DLC1: variants seen among roughly 807,000 people sequenced by gnomAD.
DLC1 encodes DLC1 Rho GTPase activating protein.
Under a neutral mutation model 140.3 loss-of-function variants are expected in DLC1, and 54 were observed. The ratio of observed to expected loss-of-function variants is 0.38; its 90% CI spans 0.31 to 0.48. DLC1 has a LOEUF of 0.48. Ranked by LOEUF, DLC1 falls within the 20% of genes least tolerant of loss-of-function variation. The pLI is 0.96. For missense variants in DLC1, 2,536 were observed against 1,907.0 expected (o/e 1.33, Z -6.14); for synonymous variants, 986 against 728.1 (o/e 1.35, Z -5.70).
At chr8:13,410,940 G>T (rs535856783) in intron 2 of DLC1, among the ~76,000 whole-genome samples, 79 of 152,212 alleles carry the variant, frequency 5.2e-4, no homozygotes, top group African/African-American at 1.8e-3. Flanking sequence ...AAACTCAAAG[G>T]AGCCTAAATG....
At chr8:13,408,491 T>C (rs1477953043) in intron 2 of DLC1, among the ~76,000 whole-genome samples, 1 of 152,180 alleles carries the variant, frequency 6.6e-6, no homozygotes, top group Non-Finnish European at 1.5e-5. Context: ...CTTTTGTAAC[T>C]TCCATACACA....
Position 13,170,554 on chromosome 8 carries a change from C to G in DLC1, c.1349-54897G>C, listed in dbSNP as rs987007441. Among the ~76,000 whole-genome samples the G allele has an allele frequency of 3.3e-5, 5 of 152,096 alleles. No individual in the cohort carries two copies. In the East Asian group the frequency reaches 9.7e-4, roughly 30 times the overall value. On this transcript the variant is annotated intron_variant, in intron 5 of 17. Transcript: ENST00000276297. ...GACCATCCTGGCCAACACGGTGAAA[C>G]CCCGTCCCTACTAAAAATACAAAAA...
At chr8:13,585,148 G>A (rs528985248) in intron 1 of DLC1, among the ~76,000 whole-genome samples, 1 of 152,278 alleles carries the variant, frequency 6.6e-6, no homozygotes, top group East Asian at 1.9e-4. Context: ...ATACAATGTG[G>A]TCAATATAGT....
rs1045971500 is a variant in DLC1, at chr8:13,418,242, T to G, written c.1024-16623A>C. ...AATTAGATCCCATTTGTCAATTTTG[T>G]CTTTTGTTGCCATTGCTTTTGGTGT... is the stretch of plus-strand genomic sequence containing the variant. On this transcript the variant is annotated intron_variant, in intron 2 of 17. Transcript: ENST00000276297. 1.6e-4 allele frequency among the ~76,000 whole-genome samples: 25 copies of G among 152,066 alleles called. No individual in the cohort carries two copies. The East Asian group carries it at 3.9e-3, about 24-fold the overall frequency.
intron 5 of DLC1, among the ~76,000 whole-genome samples, chr8:13,258,806 C>G (rs1258139394): frequency 6.6e-6 from 1 of 152,110 alleles, no homozygotes; most frequent in Non-Finnish European, 1.5e-5. Context: ...TGGAGCTAGA[C>G]TCTAGAATAC....
intron 2 of DLC1, among the ~76,000 whole-genome samples, chr8:13,428,719 AT>A (rs58508354): frequency 0.31 from 46,556 of 151,386 alleles, 7,222 homozygotes; most frequent in Middle Eastern, 0.36. Context: ...TGCAAGATGG[AT>A]TTTTTTTTGC....
chr8:13,371,495 A>T (rs1028118205), intron 4 of DLC1, among the ~76,000 whole-genome samples: 101 of 151,934 alleles, frequency 6.6e-4, no homozygotes, highest in Admixed American at 1.3e-3. Flanking sequence ...TGAACATGTA[A>T]GTCCATGTAC....
Position 13,536,765 on chromosome 8 carries a change from C to T in DLC1, c.-125-36569G>A, listed in dbSNP as rs116711656. 3.5e-3 allele frequency among the ~76,000 whole-genome samples: 530 copies of T among 152,186 alleles called. 4 individuals are homozygous for T. Among genetic ancestry groups the T allele is most frequent in the African/African-American group, 0.011 (459 of 41,528 alleles). ...ATGGTGTTTTTTTGAAGAGATATTG[C>T]GTATCCACATGACATGTTGAAATAA... On this transcript the variant is annotated intron_variant, in intron 1 of 1. Coordinates refer to the DLC1 transcript ENST00000631382.
chr8:13,502,149 T>A (rs1801848060), intron 1 of DLC1, among the ~76,000 whole-genome samples: 1 of 152,222 alleles, frequency 6.6e-6, no homozygotes, highest in African/African-American at 2.4e-5. Context: ...TTGACAATAA[T>A]ATTCATTAAT....
intron 1 of DLC1, among the ~76,000 whole-genome samples, chr8:13,561,300 C>T (rs1408706298): frequency 6.6e-6 from 1 of 152,022 alleles, no homozygotes; most frequent in East Asian, 1.9e-4. Flanking sequence ...CATGCAACTA[C>T]AGCCACACCT....
chr8:13,481,544 C>A (rs11203493), intron 2 of DLC1, among the ~76,000 whole-genome samples: 139,627 of 152,260 alleles, frequency 0.92, 64,580 homozygotes, highest in Non-Finnish European at 0.97. Flanking sequence ...AAATAATAAA[C>A]GTCCGTTGTT....
chr8:13,460,827 G>A (rs1799622367), intron 2 of DLC1, among the ~76,000 whole-genome samples: 1 of 152,226 alleles, frequency 6.6e-6, no homozygotes, highest in Non-Finnish European at 1.5e-5. Context: ...TGTGCTCTGT[G>A]CGTTGATTCT....
chr8:13,464,597 C>T (rs921336382), intron 2 of DLC1, among the ~76,000 whole-genome samples: 1 of 151,832 alleles, frequency 6.6e-6, no homozygotes, highest in East Asian at 1.9e-4. Flanking sequence ...CCCCCGCCAC[C>T]ATGGAAATGG....
At chr8:13,495,557 A>C (rs1801462106) in intron 2 of DLC1, among the ~76,000 whole-genome samples, 1 of 152,138 alleles carries the variant, frequency 6.6e-6, no homozygotes, top group African/African-American at 2.4e-5. Context: ...TATTTAGAGG[A>C]ATTATTGGCT....
intron 5 of DLC1, among the ~76,000 whole-genome samples, chr8:13,148,515 T>G (rs1823590498): frequency 6.6e-6 from 1 of 152,200 alleles, no homozygotes; most frequent in Non-Finnish European, 1.5e-5. Context: ...AATTTTGATT[T>G]CGTGGCCACT....
intron 5 of DLC1, among the ~76,000 whole-genome samples, chr8:13,264,633 C>A (rs911566270): frequency 1.3e-5 from 2 of 151,964 alleles, no homozygotes; most frequent in Non-Finnish European, 2.9e-5. Context: ...GGGGCACACA[C>A]GGGGCTGTAA....
At position 13,561,833 on chromosome 8, in the gene DLC1, A is replaced by C. The variant is rs527544756; in HGVS notation, c.-126+42704T>G. 2.6e-5 allele frequency among the ~76,000 whole-genome samples: 4 copies of C among 152,348 alleles called. No individual in the cohort carries two copies. In the East Asian group the frequency reaches 5.8e-4, roughly 22 times the overall value. The stretch of plus-strand genomic sequence containing the variant: ...ATTTTAAAAATGGGTAAGGTTATTA[A>C]CTCTACTACTAGTTCAAAATGTGTT... On this transcript the variant is annotated intron_variant, in intron 1 of 1. Coordinates refer to the DLC1 transcript ENST00000631382.
At chr8:13,432,820 C>G (rs972021204) in intron 2 of DLC1, among the ~76,000 whole-genome samples, 1 of 151,932 alleles carries the variant, frequency 6.6e-6, no homozygotes, top group Non-Finnish European at 1.5e-5. Flanking sequence ...AAGACAGTGA[C>G]ATTAGACTGC....
intron 2 of DLC1, among the ~76,000 whole-genome samples, chr8:13,441,550 TC>T (rs1384624984): frequency 6.6e-6 from 1 of 152,088 alleles, no homozygotes; most frequent in Non-Finnish European, 1.5e-5. Flanking sequence ...TCACAAGCAT[TC>T]TTATACACCA....
Sources: gnomAD v4.1 joint callset for allele counts (sites outside exome capture counted in the v4.1 genomes callset) on GRCh38, gnomAD v4.1.1 for gene constraint, MANE v1.5 for transcripts, NCBI Gene and HGNC (gene_info 2026-07-23, HGNC 2026-07-21) for gene names.